The following PXYLP1 variants were observed in gnomAD, a reference collection of about 807,000 sequenced individuals.
PXYLP1 encodes acid phosphatase-like 2.
PXYLP1 carries 17 observed loss-of-function variants against 37.9 expected under a neutral mutation model. The observed-to-expected ratio is 0.45, with a 90% CI of 0.31 to 0.67. The LOEUF (loss-of-function observed/expected upper bound fraction) is 0.67, where lower values mean the gene tolerates loss of function less well. Ranked by LOEUF, PXYLP1 falls within the 30% of genes least tolerant of loss-of-function variation. The pLI is 0.07. For synonymous variants in PXYLP1, 221 were observed against 232.2 expected (o/e 0.95, Z 0.44); for missense variants, 511 against 612.0 (o/e 0.84, Z 1.74).
intron 1 of PXYLP1, chr3:141,236,257 A>C (rs748385970): frequency 4.6e-5 from 7 of 152,172 alleles, no homozygotes; most frequent in Non-Finnish European, 7.3e-5. Flanking sequence ...CCCAATTTAC[A>C]CACTCATGTT....
chr3:141,288,023 T>C (rs1382561133), intron 5 of PXYLP1, among the ~76,000 whole-genome samples: 1 of 152,242 alleles, frequency 6.6e-6, no homozygotes, highest in Non-Finnish European at 1.5e-5. Context: ...GCATGGCACA[T>C]TTCTACTGCA....
intron 1 of PXYLP1, among the ~76,000 whole-genome samples, chr3:141,256,314 G>A (rs1941261529): frequency 6.6e-6 from 1 of 152,166 alleles, no homozygotes; most frequent in African/African-American, 2.4e-5. Flanking sequence ...GCTCAGAGAG[G>A]TGGAGCCAGT....
chr3:141,248,507 A>G (rs911160839), intron 1 of PXYLP1, among the ~76,000 whole-genome samples: 17 of 129,492 alleles, frequency 1.3e-4, no homozygotes, highest in African/African-American at 1.8e-4. Flanking sequence ...GTATATATAT[A>G]TATATACACA....
intron 4 of PXYLP1, among the ~76,000 whole-genome samples, chr3:141,280,812 T>C (rs1941935255): frequency 1.3e-5 from 2 of 152,156 alleles, no homozygotes; most frequent in South Asian, 4.1e-4. Context: ...AGCATGCCCA[T>C]TATTCTAGTC....
At chr3:141,257,257 C>T (rs1324685366) in intron 1 of PXYLP1, among the ~76,000 whole-genome samples, 1 of 152,184 alleles carries the variant, frequency 6.6e-6, no homozygotes, top group East Asian at 1.9e-4. Context: ...GGACTGCTTA[C>T]CTTGGCTCCA....
At chr3:141,262,673 G>C (rs1466462422) in intron 2 of PXYLP1, 2 of 1,532,622 alleles carry the variant, frequency 1.3e-6, no homozygotes, top group East Asian at 4.9e-5. Context: ...TGGATACGTT[G>C]GAGATCGGAA....
At position 141,293,138 on chromosome 3, in the gene PXYLP1, ACATGT is replaced by A. The variant is rs1942269574; in HGVS notation, c.1377_1381del (p.Met460CysfsTer12). The A allele has an allele frequency of 6.2e-7, 1 of 1,614,164 alleles. No homozygotes were observed. Among genetic ancestry groups the A allele is most frequent in the Non-Finnish European group, 8.5e-7 (1 of 1,180,048 alleles). ...AACTTGGTCCGCTTTGTGAAAAGGG[ACATGT>A]TTGTAGCCCTGGGTGGCAGTGGTAC... On this transcript the variant is annotated frameshift_variant, in exon 6 of 6. Transcript: ENST00000286353. LOFTEE classifies it high-confidence loss of function.
rs927729562 is a variant in PXYLP1 at position 141,249,217 on chromosome 3, C to G, written c.-53-10906C>G. Among the ~76,000 whole-genome samples the G allele has an allele frequency of 8.5e-5, 13 of 152,342 alleles. No individual in the cohort carries two copies. The South Asian group carries it at 2.7e-3, about 32-fold the overall frequency. ...GCCCCACTCCTCTTCATGAATGAGT[C>G]ATAGAATCACCTGCCAGTGAGAACA... On this transcript the variant is annotated intron_variant, in intron 1 of 5. Transcript: ENST00000286353.
chr3:141,292,142 G>A lies in PXYLP1; in HGVS notation c.506-126G>A, dbSNP rs533589306. On this transcript the variant is annotated intron_variant, in intron 5 of 5. Coordinates refer to ENST00000286353, the MANE Select transcript of PXYLP1 (RefSeq NM_001037172.3). This position sits in a 1 kb window ranked among gnomAD's most constrained non-coding sequence, Gnocchi z 4.3. Reference sequence around the variant, plus strand: ...TCGAGCTTGTAACTTCCACACCATGGGGAAACAGGCTGGATGCCATTCTCT... The same window carrying A: ...TCGAGCTTGTAACTTCCACACCATGAGGAAACAGGCTGGATGCCATTCTCT... 26 of 885,916 alleles carry A rather than the reference G, an allele frequency of 2.9e-5. No individual in the cohort carries two copies. The African/African-American group carries it at 4.4e-4, about 15-fold the overall frequency. 54.9% of individuals were successfully genotyped at this position (885,916 alleles called of 1,614,324 possible). A position where few individuals can be genotyped will look rare whatever the true frequency, so the allele number is the denominator to read the frequency against.
intron 1 of PXYLP1, among the ~76,000 whole-genome samples, chr3:141,255,415 G>T (rs1447662690): frequency 1.3e-5 from 2 of 152,266 alleles, no homozygotes; most frequent in African/African-American, 4.8e-5. Context: ...ATTTGGTCAT[G>T]ATGCCATGTT....
chr3:141,280,534 T>C (rs561827964), intron 4 of PXYLP1, among the ~76,000 whole-genome samples: 10 of 152,362 alleles, frequency 6.6e-5, no homozygotes, highest in African/African-American at 2.4e-4. Flanking sequence ...TTAAATCCTT[T>C]GTGTGAAGAG....
At chr3:141,279,549 A>G (rs1246627543) in intron 4 of PXYLP1, 45 bp downstream of exon 4, 2 of 1,610,528 alleles carry the variant, frequency 1.2e-6, no homozygotes, top group Admixed American at 3.3e-5. Flanking sequence ...TGTCTGTTAT[A>G]TCCTGTAGGA....
chr3:141,259,648 T>C (rs188539515), intron 1 of PXYLP1, among the ~76,000 whole-genome samples: 6 of 152,266 alleles, frequency 3.9e-5, no homozygotes, highest in Non-Finnish European at 7.4e-5. Flanking sequence ...GGGGGACATG[T>C]TGTGATGATT....
In PXYLP1 at chr3:141,286,881, G is replaced by A. The variant is rs374736288; in HGVS notation, c.366-433G>A. Among the ~76,000 whole-genome samples, 9 of 152,336 alleles carry A rather than the reference G, an allele frequency of 5.9e-5. No homozygotes were observed. The South Asian group carries it at 1.0e-3, about 18-fold the overall frequency. On this transcript the variant is annotated intron_variant, in intron 4 of 5. Coordinates refer to ENST00000286353, the MANE Select transcript of PXYLP1 (RefSeq NM_001037172.3). ...TAGCTGTGAGGATGAAGGAGAAGGG[G>A]ATGGAGAAGCACCAGGAGAAAGAAT...
chr3:141,274,559 A>T, intron 2 of PXYLP1: 1 of 1,075,784 alleles, frequency 9.3e-7, no homozygotes, highest in South Asian at 1.3e-5. Flanking sequence ...TCAGTGCTCC[A>T]CATGAGGAGT....
intron 2 of PXYLP1, among the ~76,000 whole-genome samples, chr3:141,268,198 AGAGAGAGAGTGTGTGTGTGT>A (rs1215341109): frequency 1.6e-4 from 7 of 44,254 alleles, no homozygotes; most frequent in Admixed American, 5.5e-4. Flanking sequence ...AGAGAGAGAG[AGAGAGAGAGTGTGTGTGTGT>A]GTGTGTGTGT....
At chr3:141,260,643 G>T (rs1941373441) in intron 2 of PXYLP1, among the ~76,000 whole-genome samples, 1 of 152,156 alleles carries the variant, frequency 6.6e-6, no homozygotes. Context: ...AGTTGTTTCG[G>T]GGAGGGTGGG....
intron 1 of PXYLP1, among the ~76,000 whole-genome samples, chr3:141,245,903 A>G (rs1940923888): frequency 6.6e-6 from 1 of 152,154 alleles, no homozygotes; most frequent in Non-Finnish European, 1.5e-5. Context: ...GTTTGGATAG[A>G]GAGATTATGA....
At chr3:141,285,144 C>CTTTTTTTTTTTTTTTT (rs147495598) in intron 4 of PXYLP1, among the ~76,000 whole-genome samples, 61 of 78,746 alleles carry the variant, frequency 7.7e-4, no homozygotes, top group East Asian at 1.7e-3. Flanking sequence ...TTTTCTTTTT[C>CTTTTTTTTTTTTTTTT]TTTTTTTTTT....
Sources: gnomAD v4.1 joint callset for allele counts (sites outside exome capture counted in the v4.1 genomes callset) on GRCh38, gnomAD v4.1.1 for gene constraint, Gnocchi (gnomAD v3.1) non-coding constraint, MANE v1.5 for transcripts, NCBI Gene and HGNC (gene_info 2026-07-23, HGNC 2026-07-21) for gene names.